The following GRM5 variants were observed in gnomAD, a reference collection of about 807,000 sequenced individuals.
The protein encoded by GRM5 is glutamate metabotropic receptor 5.
Under a neutral mutation model 83.1 loss-of-function variants are expected in GRM5, and 19 were observed. The observed-to-expected ratio is 0.23, with a 90% CI of 0.16 to 0.34. The LOEUF (loss-of-function observed/expected upper bound fraction) is 0.34, where lower values mean the gene tolerates loss of function less well. Among genes scored for constraint, GRM5 ranks in the 10% least tolerant of loss-of-function variants. GRM5 has a pLI of 1.00. For synonymous variants in GRM5, 675 were observed against 633.6 expected (o/e 1.07, Z -0.98); for missense variants, 1,160 against 1,588.3 (o/e 0.73, Z 4.58).
chr11:88,725,475 G>A (rs1941655627), intron 3 of GRM5, among the ~76,000 whole-genome samples: 1 of 152,164 alleles, frequency 6.6e-6, no homozygotes, highest in Non-Finnish European at 1.5e-5. Context: ...AGACTTAAAT[G>A]TTCCTGGCTG....
chr11:88,670,543 T>C (rs998965018), intron 3 of GRM5, among the ~76,000 whole-genome samples: 2 of 2,162 alleles, frequency 9.3e-4, no homozygotes, highest in African/African-American at 1.1e-3. Context: ...GATAGCTAGA[T>C]AGGCAAAAAG....
chr11:88,699,336 G>A (rs1300054509), intron 3 of GRM5, among the ~76,000 whole-genome samples: 1 of 152,138 alleles, frequency 6.6e-6, no homozygotes, highest in Non-Finnish European at 1.5e-5. Flanking sequence ...AAGCAGGGTT[G>A]AGAGTTTCCA....
At chr11:89,036,654 CA>C in intron 2 of GRM5, among the ~76,000 whole-genome samples, 1 of 40,296 alleles carries the variant, frequency 2.5e-5, no homozygotes, top group Admixed American at 2.8e-4. Context: ...GACTATTAAT[CA>C]GTATTTGTAC....
At chr11:89,021,948 G>A in intron 2 of GRM5, among the ~76,000 whole-genome samples, 1 of 152,150 alleles carries the variant, frequency 6.6e-6, no homozygotes, top group East Asian at 1.9e-4. Context: ...GAAAGGGGCA[G>A]ACAATAAACA....
intron 3 of GRM5, among the ~76,000 whole-genome samples, chr11:88,690,074 T>C (rs1940742528): frequency 6.6e-6 from 1 of 152,184 alleles, no homozygotes. Context: ...AGGGAGGCGC[T>C]GATAAAAATC....
intron 9 of GRM5, among the ~76,000 whole-genome samples, chr11:88,523,558 G>T (rs1033623706): frequency 6.6e-6 from 1 of 152,152 alleles, no homozygotes; most frequent in African/African-American, 2.4e-5. Flanking sequence ...GATGCACTGA[G>T]ATCCAAAGAT....
At chr11:88,864,828 G>C (rs1944633714) in intron 2 of GRM5, among the ~76,000 whole-genome samples, 1 of 151,978 alleles carries the variant, frequency 6.6e-6, no homozygotes. Context: ...TCATTATTTT[G>C]AGATACTTTC....
At chr11:88,705,601 GT>G (rs1205466699) in intron 3 of GRM5, among the ~76,000 whole-genome samples, 7 of 34,052 alleles carry the variant, frequency 2.1e-4, no homozygotes, top group Admixed American at 1.4e-3. Flanking sequence ...GTAGAGCAGG[GT>G]TTTTTGTTTG....
At chr11:88,603,644 A>T (rs1440773146) in intron 5 of GRM5, among the ~76,000 whole-genome samples, 1 of 152,182 alleles carries the variant, frequency 6.6e-6, no homozygotes, top group Non-Finnish European at 1.5e-5. Flanking sequence ...AGAAGAAAAA[A>T]AACCTGGGTT....
intron 7 of GRM5, among the ~76,000 whole-genome samples, chr11:88,576,377 T>G (rs1022788076): frequency 3.3e-5 from 5 of 152,198 alleles, no homozygotes; most frequent in African/African-American, 1.2e-4. Context: ...ATGGTAGATT[T>G]AGCAATTTGA....
At chr11:88,922,454 A>AAGAGTCAAGAAAATACATTAGGGAAAGG (rs1945709477) in intron 2 of GRM5, among the ~76,000 whole-genome samples, 1 of 152,204 alleles carries the variant, frequency 6.6e-6, no homozygotes, top group Non-Finnish European at 1.5e-5. Context: ...TTTTTGACTA[A>AAGAGTCAAGAAAATACATTAGGGAAAGG]AGAGTCAAGA....
rs1199166634 is a variant in GRM5 at position 88,506,234 on chromosome 11, T to TA, written c.*2357dup. 1 of 152,244 alleles carries TA rather than the reference T, an allele frequency of 6.6e-6. No individual in the cohort carries two copies. The highest frequency in any genetic ancestry group is 1.9e-4 in the East Asian group (1 of 5,188). 9.4% of individuals were successfully genotyped at this position (152,244 alleles called of 1,614,324 possible). On this transcript the variant is annotated 3_prime_UTR_variant, in exon 10 of 10. Coordinates refer to ENST00000305447, the MANE Select transcript of GRM5 (RefSeq NM_001143831.3). Reference sequence around the variant, plus strand: ...GTGTGCTTTTTAAGAGATATGTTACTAAAAAAATAGAAAATGAATTTGACC... The same window carrying TA: ...GTGTGCTTTTTAAGAGATATGTTACTAAAAAAAATAGAAAATGAATTTGACC...
At chr11:88,787,374 T>C (rs760880757) in intron 3 of GRM5, among the ~76,000 whole-genome samples, 21 of 152,042 alleles carry the variant, frequency 1.4e-4, no homozygotes, top group Non-Finnish European at 2.2e-4. Flanking sequence ...GGAGAGGATG[T>C]GGAAGACAGT....
intron 3 of GRM5, among the ~76,000 whole-genome samples, chr11:88,718,895 T>G (rs1336720246): frequency 6.6e-6 from 1 of 151,964 alleles, no homozygotes; most frequent in African/African-American, 2.4e-5. Flanking sequence ...AAGACTTCAC[T>G]GAGAAATTGA....
At chr11:88,876,154 C>T (rs528874564) in intron 2 of GRM5, among the ~76,000 whole-genome samples, 10 of 152,208 alleles carry the variant, frequency 6.6e-5, no homozygotes, top group African/African-American at 1.9e-4. Flanking sequence ...GTGTAACCAC[C>T]TTTATCAATT....
intron 8 of GRM5, among the ~76,000 whole-genome samples, chr11:88,560,421 G>A (rs1365352164): frequency 6.6e-6 from 1 of 152,068 alleles, no homozygotes; most frequent in African/African-American, 2.4e-5. Flanking sequence ...GAGACTGAGG[G>A]CTTCCCAAAG....
At chr11:88,637,805 G>T (rs1323224931) in intron 4 of GRM5, among the ~76,000 whole-genome samples, 1 of 148,552 alleles carries the variant, frequency 6.7e-6, no homozygotes, top group Non-Finnish European at 1.5e-5. Flanking sequence ...CCATTACTGG[G>T]TATATACCCA....
chr11:88,678,030 G>A (rs534439582), intron 3 of GRM5, among the ~76,000 whole-genome samples: 3 of 149,538 alleles, frequency 2.0e-5, no homozygotes, highest in Non-Finnish European at 4.5e-5. Context: ...GATTACAAAC[G>A]TGATGCATTT....
intron 2 of GRM5, among the ~76,000 whole-genome samples, chr11:88,921,784 C>T (rs948330984): frequency 5.9e-5 from 9 of 152,042 alleles, no homozygotes; most frequent in Non-Finnish European, 1.2e-4. Flanking sequence ...AAGTAAATGG[C>T]TTCTAAATTG....
Sources: allele counts gnomAD v4.1 joint callset (sites outside exome capture counted in the v4.1 genomes callset), GRCh38; gene constraint gnomAD v4.1.1; transcripts MANE v1.5; gene names NCBI Gene and HGNC (gene_info 2026-07-23, HGNC 2026-07-21).